The following ZNF184 variants were observed in gnomAD, a reference collection of about 807,000 sequenced individuals.
ZNF184 encodes the protein zinc finger protein 184 (Kruppel-like).
ZNF184 carries 16 observed loss-of-function variants against 54.4 expected under a neutral mutation model. The observed-to-expected ratio is 0.29, with a 90% CI of 0.20 to 0.45. The LOEUF (loss-of-function observed/expected upper bound fraction) is 0.45. Among genes scored for constraint, ZNF184 ranks in the 20% least tolerant of loss-of-function variants. The probability of loss-of-function intolerance (pLI) is 1.00; values close to 1 mark genes in which losing one functional copy is unlikely to be tolerated. For missense variants in ZNF184, 681 were observed against 888.2 expected, an observed-to-expected ratio of 0.77 and a Z score of 2.97; for synonymous variants, 254 against 295.3, an observed-to-expected ratio of 0.86 and a Z score of 1.43.
In ZNF184 at chr6:27,457,355, G is replaced by C. The variant is rs1438608630; in HGVS notation, c.130C>G (p.Gln44Glu). ...IVDFTQEEWKQLDPGQRDLFR... is the reference protein window; with the variant it reads ...IVDFTQEEWKELDPGQRDLFR... ...AAATCTCTCTGGCCAGGGTCCAGCT[G>C]TTTCCATTCTTCCTGGGTAAAGTCC... Residue 44 changes from glutamine to glutamate, a missense_variant, in exon 4 of 6, where the codon CAG becomes GAG. Transcript: ENST00000683788. 1 of 1,613,864 alleles carries C rather than the reference G, an allele frequency of 6.2e-7. No individual in the cohort carries two copies. The highest frequency in any genetic ancestry group is 8.5e-7 in the Non-Finnish European group (1 of 1,179,994).
chr6:27,472,161 T>C lies in ZNF184; in HGVS notation c.7+127A>G. 1 of 1,280,138 alleles carries C rather than the reference T, an allele frequency of 7.8e-7. No homozygotes were observed. The highest frequency in any genetic ancestry group is 1.1e-6 in the Non-Finnish European group (1 of 921,646). The allele number at this position is 1,280,138 out of a possible 1,614,324, so 79.3% of individuals were successfully genotyped here. A position where few individuals can be genotyped will look rare whatever the true frequency, so the allele number is the denominator to read the frequency against. On this transcript the variant is annotated intron_variant, in intron 2 of 5. Transcript: ENST00000683788. The surrounding 1 kb of genome is among the most constrained non-coding windows in gnomAD (Gnocchi z 4.8). Reference sequence around the variant, plus strand: ...TCCCTACAATGTAATTCGGTTTCTTTGCTAATCCCTAAGCATACCGTTCCT... The same window carrying C: ...TCCCTACAATGTAATTCGGTTTCTTCGCTAATCCCTAAGCATACCGTTCCT...
At chr6:27,444,217 A>G in the ZNF184 span, among the ~76,000 whole-genome samples, 2 of 152,124 alleles carry the variant, frequency 1.3e-5, no homozygotes, top group East Asian at 3.9e-4. Context: ...AATAGAAGCA[A>G]TCAGGACAGA....
chr6:27,436,034 C>T, the ZNF184 span, among the ~76,000 whole-genome samples: 1 of 151,500 alleles, frequency 6.6e-6, no homozygotes, highest in Non-Finnish European at 1.5e-5. Context: ...GCATCCTTAT[C>T]TTATTCCTGT....
At chr6:27,408,024 T>A in the ZNF184 span, 2 of 1,035,018 alleles carry the variant, frequency 1.9e-6, no homozygotes, top group Non-Finnish European at 3.1e-6. Flanking sequence ...CTTGGTTATA[T>A]GCAAATGTGA....
chr6:27,426,172 C>T, the ZNF184 span, among the ~76,000 whole-genome samples: 1 of 152,224 alleles, frequency 6.6e-6, no homozygotes, highest in Non-Finnish European at 1.5e-5. The surrounding 1 kb of genome is among the most constrained non-coding windows in gnomAD (Gnocchi z 4.2). Context: ...GCCTTCCACT[C>T]TATCTCATGT....
rs1762869370 is a variant in ZNF184 at position 27,456,888 on chromosome 6, T to C, written c.236A>G (p.Gln79Arg). The C allele has an allele frequency of 2.5e-6, 4 of 1,614,076 alleles. No individual in the cohort carries two copies. The East Asian group carries it at 8.9e-5, about 36-fold the overall frequency. The stretch of plus-strand genomic sequence containing the variant: ...CCATGGCTCTGTCCCTTGCTCTAAC[T>C]GGGAAATCACATCAGGTTTAGAAAC... ...LQVSKPDVIS[Q>R]LEQGTEPWIM... Residue 79 changes from glutamine to arginine, a missense_variant, in exon 5 of 6, where the codon CAG becomes CGG. Physicochemically the swap from Gln to Arg is conservative, Grantham distance 43. Coordinates refer to ENST00000683788, the MANE Select transcript of ZNF184 (RefSeq NM_001318891.2).
chr6:27,407,726 A>G, the ZNF184 span: 1 of 750,404 alleles, frequency 1.3e-6, no homozygotes, highest in South Asian at 1.4e-5. Flanking sequence ...ACCTTACAGA[A>G]GATGTCATCA....
intron 5 of ZNF184, among the ~76,000 whole-genome samples, chr6:27,455,442 T>A (rs1232285963): frequency 6.6e-6 from 1 of 152,220 alleles, no homozygotes; most frequent in Admixed American, 6.5e-5. Context: ...TGGTTTTCTA[T>A]CTGGTCAAGT....
At chr6:27,425,052 C>T in the ZNF184 span, among the ~76,000 whole-genome samples, 5 of 152,234 alleles carry the variant, frequency 3.3e-5, no homozygotes, top group South Asian at 2.1e-4. Flanking sequence ...AGTACACCCT[C>T]CGCAGCCGCT....
At chr6:27,442,870 GAAAGAAAGAAAA>G in the ZNF184 span, among the ~76,000 whole-genome samples, 1 of 30,732 alleles carries the variant, frequency 3.3e-5, no homozygotes, top group African/African-American at 1.1e-4. Flanking sequence ...AAGAAAGAAA[GAAAGAAAGAAAA>G]AGAAAAAAAG....
chr6:27,439,263 C>CA, the ZNF184 span, among the ~76,000 whole-genome samples: 1 of 152,192 alleles, frequency 6.6e-6, no homozygotes, highest in African/African-American at 2.4e-5. Flanking sequence ...TTTCCCTTTC[C>CA]AAGGTTTCAG....
the ZNF184 span, among the ~76,000 whole-genome samples, chr6:27,422,905 A>G: frequency 6.6e-6 from 1 of 152,274 alleles, no homozygotes; most frequent in South Asian, 2.1e-4. Context: ...CGCCGGATTC[A>G]GTGTCTGTCG....
chr6:27,457,011 G>T, intron 4 of ZNF184, 90 bp from the exon 5 acceptor site: 1 of 1,252,308 alleles, frequency 8.0e-7, no homozygotes, highest in Non-Finnish European at 1.1e-6. Flanking sequence ...TAGAAGAAAT[G>T]ATATGTAGTA....
rs1483280587 is a variant in ZNF184, at chr6:27,467,884, C to G, written c.44G>C (p.Gly15Ala). 6.2e-7 allele frequency: 1 copy of G among 1,611,988 alleles called. No individual in the cohort carries two copies. Among genetic ancestry groups the G allele is most frequent in the East Asian group, 2.2e-5 (1 of 44,688 alleles). ...SSPDSTLLQGGHNLLSSASFQ... is the reference protein window; with the variant it reads ...SSPDSTLLQGAHNLLSSASFQ... ...ACTGGCTGATGAGAGTAGATTATGT[C>G]CCCCTTGGAGAAGGGTGGAGTCTGG... Residue 15 changes from glycine (G) to alanine (A), a missense_variant, in exon 3 of 6, where the codon GGA becomes GCA. By Grantham distance (60) the Gly-to-Ala change is moderately conservative. Coordinates refer to ENST00000683788, the MANE Select transcript of ZNF184 (RefSeq NM_001318891.2).
the ZNF184 span, among the ~76,000 whole-genome samples, chr6:27,408,823 G>A: frequency 2.0e-5 from 3 of 152,076 alleles, no homozygotes; most frequent in East Asian, 3.9e-4. Context: ...TTGCAGTTTA[G>A]GAACTTTTAG....
chr6:27,447,700 T>G (rs1364911435), downstream of ZNF184, among the ~76,000 whole-genome samples: 1 of 151,854 alleles, frequency 6.6e-6, no homozygotes, highest in Admixed American at 6.6e-5. Context: ...GTGACAAGAG[T>G]GAAACTCTGT....
intron 3 of ZNF184, among the ~76,000 whole-genome samples, chr6:27,463,028 A>C (rs1365439318): frequency 6.7e-6 from 1 of 148,300 alleles, no homozygotes; most frequent in African/African-American, 2.5e-5. Flanking sequence ...CAAAATGTTC[A>C]AAACGTTAGG....
chr6:27,432,993 G>C, the ZNF184 span, among the ~76,000 whole-genome samples: 1 of 152,186 alleles, frequency 6.6e-6, no homozygotes, highest in Non-Finnish European at 1.5e-5. This position sits in a 1 kb window ranked among gnomAD's most constrained non-coding sequence, Gnocchi z 4.0. Flanking sequence ...GGCAAAACTA[G>C]GGACTCAGCA....
At chr6:27,457,648 T>C (rs545869331) in intron 3 of ZNF184, among the ~76,000 whole-genome samples, 37 of 152,332 alleles carry the variant, frequency 2.4e-4, no homozygotes, top group Non-Finnish European at 4.7e-4. Flanking sequence ...AAGTGCTCAG[T>C]CAATATGGCC....
Sources: gnomAD v4.1 joint callset for allele counts (sites outside exome capture counted in the v4.1 genomes callset) on GRCh38, gnomAD v4.1.1 for gene constraint, Gnocchi (gnomAD v3.1) non-coding constraint, MANE v1.5 for transcripts, NCBI Gene and HGNC (gene_info 2026-07-23, HGNC 2026-07-21) for gene names.